Variants in ARB2A observed in about 807,000 individuals in gnomAD.
The protein encoded by ARB2A is ARB2 cotranscriptional regulator A.
At chr5:93,652,169 A>G in the ARB2A span, among the ~76,000 whole-genome samples, 1 of 152,150 alleles carries the variant, frequency 6.6e-6, no homozygotes, top group Admixed American at 6.5e-5. Flanking sequence ...GTTGGTAAGG[A>G]CATGGAGCAA....
chr5:93,707,706 C>G, the ARB2A span, among the ~76,000 whole-genome samples: 1 of 151,598 alleles, frequency 6.6e-6, no homozygotes, highest in East Asian at 1.9e-4. Flanking sequence ...TCCCAAATAG[C>G]TGGAATTACA....
chr5:93,892,594 GAA>G, the ARB2A span, among the ~76,000 whole-genome samples: 2 of 151,968 alleles, frequency 1.3e-5, no homozygotes, highest in Non-Finnish European at 1.5e-5. Flanking sequence ...CTGGGGGGGG[GAA>G]AACCACACAC....
At chr5:94,010,781 T>C in the ARB2A span, among the ~76,000 whole-genome samples, 1 of 152,192 alleles carries the variant, frequency 6.6e-6, no homozygotes, top group South Asian at 2.1e-4. Context: ...ATTTTAATGG[T>C]AGGTTTTTCT....
the ARB2A span, among the ~76,000 whole-genome samples, chr5:94,094,057 A>G: frequency 1.3e-5 from 2 of 152,100 alleles, no homozygotes; most frequent in African/African-American, 2.4e-5. Context: ...GGCCCTCTCT[A>G]TTTTCCAGTT....
chr5:93,907,699 T>A, the ARB2A span, among the ~76,000 whole-genome samples: 1 of 151,458 alleles, frequency 6.6e-6, no homozygotes, highest in South Asian at 2.1e-4. Flanking sequence ...ACTGTTATTT[T>A]AAAAATTCTC....
At chr5:93,996,935 CAAATA>C in the ARB2A span, among the ~76,000 whole-genome samples, 1 of 151,912 alleles carries the variant, frequency 6.6e-6, no homozygotes, top group Non-Finnish European at 1.5e-5. Flanking sequence ...GCTCAATCAA[CAAATA>C]TTTATTGAGA....
At chr5:93,846,093 T>C in the ARB2A span, among the ~76,000 whole-genome samples, 1 of 152,042 alleles carries the variant, frequency 6.6e-6, no homozygotes, top group Admixed American at 6.6e-5. Context: ...CTTACCATCT[T>C]AGATGTTCAA....
chr5:93,653,681 G>A, the ARB2A span, among the ~76,000 whole-genome samples: 1 of 152,058 alleles, frequency 6.6e-6, no homozygotes, highest in African/African-American at 2.4e-5. Flanking sequence ...TATTACTGGA[G>A]CATCTTGGCA....
chr5:93,745,417 G>A, the ARB2A span, among the ~76,000 whole-genome samples: 164 of 152,210 alleles, frequency 1.1e-3, 1 homozygote, highest in Non-Finnish European at 2.0e-3. Flanking sequence ...ATACCTATGT[G>A]CCAAGTAACA....
the ARB2A span, among the ~76,000 whole-genome samples, chr5:93,946,189 CT>C: frequency 6.6e-6 from 1 of 151,914 alleles, no homozygotes; most frequent in African/African-American, 2.4e-5. Flanking sequence ...CAGGAGCTTC[CT>C]GTATCTAACA....
the ARB2A span, among the ~76,000 whole-genome samples, chr5:94,106,249 A>G: frequency 6.6e-6 from 1 of 152,132 alleles, no homozygotes; most frequent in Non-Finnish European, 1.5e-5. Flanking sequence ...CAAAGGTCCC[A>G]TAGCCAGGAT....
the ARB2A span, among the ~76,000 whole-genome samples, chr5:93,907,162 G>T: frequency 1.3e-5 from 2 of 151,404 alleles, no homozygotes; most frequent in East Asian, 3.9e-4. Context: ...AAGAGTCAGA[G>T]TAATAAAGTA....
At chr5:93,760,517 G>C in the ARB2A span, among the ~76,000 whole-genome samples, 1 of 152,194 alleles carries the variant, frequency 6.6e-6, no homozygotes, top group African/African-American at 2.4e-5. Context: ...TAAGGTTACA[G>C]TCACCAAAAC....
the ARB2A span, among the ~76,000 whole-genome samples, chr5:93,870,437 A>C: frequency 6.6e-6 from 1 of 152,244 alleles, no homozygotes; most frequent in Non-Finnish European, 1.5e-5. Context: ...TTATAAATAA[A>C]TGTTAATAAA....
chr5:93,996,779 A>T, the ARB2A span, among the ~76,000 whole-genome samples: 1 of 152,078 alleles, frequency 6.6e-6, no homozygotes, highest in Non-Finnish European at 1.5e-5. Context: ...GGAAATAATT[A>T]TGACCTCTGA....
At chr5:93,644,277 A>G in the ARB2A span, among the ~76,000 whole-genome samples, 47 of 152,338 alleles carry the variant, frequency 3.1e-4, no homozygotes, top group African/African-American at 1.1e-3. Flanking sequence ...TTCTGAAAGT[A>G]ATGAGATCTA....
chr5:93,932,293 T>C, the ARB2A span, among the ~76,000 whole-genome samples: 1 of 152,150 alleles, frequency 6.6e-6, no homozygotes, highest in South Asian at 2.1e-4. Context: ...TTAAACATCA[T>C]GTGTGTGCCC....
chr5:94,085,173 C>T, the ARB2A span, among the ~76,000 whole-genome samples: 1 of 152,172 alleles, frequency 6.6e-6, no homozygotes, highest in Non-Finnish European at 1.5e-5. Context: ...TACATGTACA[C>T]CAGGGGACAG....
chr5:94,052,588 TTCCAGAA>T, the ARB2A span, among the ~76,000 whole-genome samples: 1 of 152,206 alleles, frequency 6.6e-6, no homozygotes, highest in African/African-American at 2.4e-5. Context: ...TGATTCTCTG[TTCCAGAA>T]ACATCCTTGC....
Sources: allele counts gnomAD v4.1 joint callset (sites outside exome capture counted in the v4.1 genomes callset), GRCh38; gene constraint gnomAD v4.1.1; transcripts MANE v1.5; gene names NCBI Gene and HGNC (gene_info 2026-07-23, HGNC 2026-07-21).